Variants in ITSN1 observed in about 807,000 individuals in gnomAD.
ITSN1 encodes intersectin 1.
ITSN1 carries 58 observed loss-of-function variants against 239.8 expected under a neutral mutation model. The ratio of observed to expected loss-of-function variants is 0.24; its 90% confidence interval spans 0.20 to 0.30. ITSN1 has a LOEUF of 0.30. ITSN1 is among the 10% of genes least tolerant of loss of function. The pLI, the probability that ITSN1 is intolerant of heterozygous loss-of-function variation, is 1.00. For missense variants in ITSN1, 1,558 were observed against 2,103.3 expected (o/e 0.74, Z 5.07); for synonymous variants, 780 against 770.8 (o/e 1.01, Z -0.20).
At position 33,781,440 on chromosome 21, in the gene ITSN1, A is replaced by C. The variant is rs367898593; in HGVS notation, c.1597-21A>C. 10 of 1,391,346 alleles carry C rather than the reference A, an allele frequency of 7.2e-6. No homozygotes were observed. In the East Asian group the frequency reaches 2.1e-4, roughly 29 times the overall value. 86.2% of individuals were successfully genotyped at this position (1,391,346 alleles called of 1,614,324 possible). Reference sequence around the variant, plus strand: ...GTAGCCTTCCCTGTCATTCATTACTATTTTCCTCCTTCCTTCCCAGGAATC... The same window carrying C: ...GTAGCCTTCCCTGTCATTCATTACTCTTTTCCTCCTTCCTTCCCAGGAATC... On this transcript the variant is annotated intron_variant, in intron 14 of 39. Coordinates refer to ENST00000381318, the MANE Select transcript of ITSN1 (RefSeq NM_003024.3).
rs1266177765 is a variant in ITSN1 at position 33,888,472 on chromosome 21, G to T, written c.*172G>T. ...GGAATCATTCTCGACAATCCTCCCT[G>T]CCCCGAAACAATTTCCTGTTTCATG... On this transcript the variant is annotated 3_prime_UTR_variant, in exon 40 of 40. Coordinates refer to ENST00000381318, the MANE Select transcript of ITSN1 (RefSeq NM_003024.3). The T allele has an allele frequency of 1.6e-6, 1 of 632,282 alleles. No individual in the cohort carries two copies. Among genetic ancestry groups the T allele is most frequent in the Non-Finnish European group, 2.7e-6 (1 of 376,872 alleles). 39.2% of individuals were successfully genotyped at this position (632,282 alleles called of 1,614,324 possible).
chr21:33,752,224 A>G (rs1002515723), intron 7 of ITSN1, among the ~76,000 whole-genome samples: 3 of 152,078 alleles, frequency 2.0e-5, no homozygotes, highest in Non-Finnish European at 4.4e-5. Flanking sequence ...GGTATAAGGG[A>G]AAAAAGCAAA....
At chr21:33,793,766 A>G (rs533518999) in intron 16 of ITSN1, among the ~76,000 whole-genome samples, 1 of 152,282 alleles carries the variant, frequency 6.6e-6, no homozygotes, top group East Asian at 1.9e-4. Flanking sequence ...TAGATTTAGT[A>G]AGAAAAGATG....
At position 33,888,657 on chromosome 21, in the gene ITSN1, A is replaced by G. The variant is rs2834287; in HGVS notation, c.*357A>G. 0.13 allele frequency: 22,193 copies of G among 165,182 alleles called. 1,931 individuals carry two copies. The highest frequency in any genetic ancestry group is 0.22 in the Middle Eastern group (82 of 376). The allele number at this position is 165,182 out of a possible 1,614,324, so 10.2% of individuals were successfully genotyped here. ...ACTATAAAATAGATTTATAAATGCA[A>G]TGTCTATATTTTTGGAGAACTCATG... On this transcript the variant is annotated 3_prime_UTR_variant, in exon 40 of 40. Transcript: ENST00000381318.
intron 27 of ITSN1, among the ~76,000 whole-genome samples, chr21:33,831,068 G>A (rs1367642507): frequency 6.6e-6 from 1 of 152,178 alleles, no homozygotes; most frequent in Non-Finnish European, 1.5e-5. Flanking sequence ...CCTTTAAAAA[G>A]TTACTACTAT....
intron 30 of ITSN1, 65 bp downstream of exon 30, chr21:33,856,922 C>T (rs991602963): frequency 8.1e-6 from 12 of 1,489,796 alleles, no homozygotes; most frequent in East Asian, 4.5e-5. Context: ...GGGAGGGTTC[C>T]GTCAAGGAGG....
chr21:33,778,768 C>T lies in ITSN1; in HGVS notation c.1597-2693C>T, dbSNP rs933056081. On this transcript the variant is annotated intron_variant, in intron 14 of 39. Transcript: ENST00000381318. Reference sequence around the variant, plus strand: ...TAATTTTTTGTATTTTTAGTAGAGACGGGGTTTCACCGTTTTAGCCGGGAT... The same window carrying T: ...TAATTTTTTGTATTTTTAGTAGAGATGGGGTTTCACCGTTTTAGCCGGGAT... Among the ~76,000 whole-genome samples, 60 of 142,358 alleles carry T rather than the reference C, an allele frequency of 4.2e-4. 5 individuals carry two copies. Among genetic ancestry groups the T allele is most frequent in the African/African-American group, 1.6e-3 (52 of 33,500 alleles). The allele number at this position is 142,358 out of a possible 152,430, so 93.4% of individuals were successfully genotyped here.
chr21:33,804,560 T>G (rs548534304), intron 20 of ITSN1, among the ~76,000 whole-genome samples: 5 of 152,320 alleles, frequency 3.3e-5, no homozygotes, highest in African/African-American at 1.2e-4. Context: ...TGCTTTCAAT[T>G]GAGTCTGACC....
At chr21:33,749,606 C>G (rs1346589317) in intron 5 of ITSN1, among the ~76,000 whole-genome samples, 6 of 150,966 alleles carry the variant, frequency 4.0e-5, no homozygotes, top group African/African-American at 1.5e-4. Flanking sequence ...CACGCCACTG[C>G]ACTCCAGCCT....
chr21:33,725,429 C>T (rs567400309), intron 4 of ITSN1, among the ~76,000 whole-genome samples: 14 of 151,932 alleles, frequency 9.2e-5, no homozygotes, highest in South Asian at 2.1e-4. Flanking sequence ...TCACTGTGCC[C>T]GGCCAAAAAA....
At chr21:33,671,213 T>A (rs2090253943) in intron 1 of ITSN1, among the ~76,000 whole-genome samples, 1 of 152,158 alleles carries the variant, frequency 6.6e-6, no homozygotes, top group South Asian at 2.1e-4. Flanking sequence ...TTTTCACACA[T>A]CCATTAGGGA....
chr21:33,722,544 G>GTT (rs373376953), intron 3 of ITSN1, 44 bp from the exon 4 acceptor site: 4,068 of 1,268,760 alleles, frequency 3.2e-3, no homozygotes, highest in South Asian at 8.4e-3. Flanking sequence ...GTCAGCTGTT[G>GTT]TTTTTTTTTT....
chr21:33,885,366 T>C (rs1985613573), intron 37 of ITSN1, 73 bp from the exon 38 acceptor site: 2 of 1,356,262 alleles, frequency 1.5e-6, no homozygotes, highest in Non-Finnish European at 2.1e-6. Flanking sequence ...TGAAATGCAT[T>C]GTGAGGCTCA....
intron 20 of ITSN1, among the ~76,000 whole-genome samples, chr21:33,808,459 C>T (rs555147390): frequency 2.6e-5 from 4 of 152,010 alleles, no homozygotes; most frequent in South Asian, 2.1e-4. Flanking sequence ...GTGGTGGGCA[C>T]CTGTAATCCC....
intron 33 of ITSN1, among the ~76,000 whole-genome samples, chr21:33,871,703 T>A (rs563572560): frequency 2.0e-5 from 3 of 151,228 alleles, no homozygotes; most frequent in Non-Finnish European, 4.4e-5. Context: ...ATCGCGCCAC[T>A]GCACTCCAGC....
chr21:33,780,852 A>G (rs565200157), intron 14 of ITSN1, among the ~76,000 whole-genome samples: 75 of 152,358 alleles, frequency 4.9e-4, no homozygotes, highest in African/African-American at 1.8e-3. Context: ...CAGCCTGTGC[A>G]GTGTGGCTTA....
At chr21:33,653,115 C>T (rs971846728) in intron 1 of ITSN1, among the ~76,000 whole-genome samples, 1 of 151,998 alleles carries the variant, frequency 6.6e-6, no homozygotes, top group Non-Finnish European at 1.5e-5. Flanking sequence ...CTGCCTCAGC[C>T]TCCTGAGTAG....
chr21:33,661,828 A>G (rs2089581617), intron 1 of ITSN1, among the ~76,000 whole-genome samples: 1 of 151,914 alleles, frequency 6.6e-6, no homozygotes, highest in Non-Finnish European at 1.5e-5. Context: ...CATGTGAGAC[A>G]TACCTTTTGC....
chr21:33,779,212 C>A (rs1030528949), intron 14 of ITSN1, among the ~76,000 whole-genome samples: 7 of 150,536 alleles, frequency 4.7e-5, no homozygotes, highest in African/African-American at 9.8e-5. Flanking sequence ...CTTCCATTTA[C>A]TTATTTGGGG....
Sources: allele counts gnomAD v4.1 joint callset (sites outside exome capture counted in the v4.1 genomes callset), GRCh38; gene constraint gnomAD v4.1.1; transcripts MANE v1.5; gene names NCBI Gene and HGNC (gene_info 2026-07-23, HGNC 2026-07-21).